Variants in AAGAB observed in about 807,000 individuals in gnomAD.
AAGAB encodes the protein alpha- and gamma-adaptin-binding protein p34.
Under a neutral mutation model 44.1 loss-of-function variants are expected in AAGAB, and 38 were observed. The observed-to-expected ratio is 0.86, with a 90% CI of 0.67 to 1.13. AAGAB has a LOEUF of 1.13. Among genes scored for constraint, AAGAB ranks in the 50% most tolerant of loss-of-function variants. AAGAB has a pLI of 0.00. For synonymous variants in AAGAB, 131 were observed against 131.8 expected (o/e 0.99, Z 0.04); for missense variants, 450 against 373.8 (o/e 1.20, Z -1.68).
rs957918244 is a variant in AAGAB, at chr15:67,242,380, G to A, written c.74-5560C>T. 1.1e-4 allele frequency among the ~76,000 whole-genome samples: 10 copies of A among 90,532 alleles called. 1 individual carries two copies. Among genetic ancestry groups the A allele is most frequent in the Admixed American group, 6.2e-4 (4 of 6,496 alleles). The allele number at this position is 90,532 out of a possible 152,430, so 59.4% of individuals were successfully genotyped here. A position where few individuals can be genotyped will look rare whatever the true frequency, so the allele number is the denominator to read the frequency against. On this transcript the variant is annotated intron_variant, in intron 1 of 9. Coordinates refer to ENST00000261880, the MANE Select transcript of AAGAB (RefSeq NM_024666.5). Reference sequence around the variant, plus strand: ...GGAGCTTGCAGTGAGCCGAGATTGCGCCACTGCAGTCCGCAGTCCGGCCTG... The same window carrying A: ...GGAGCTTGCAGTGAGCCGAGATTGCACCACTGCAGTCCGCAGTCCGGCCTG...
intron 5 of AAGAB, among the ~76,000 whole-genome samples, chr15:67,229,432 TAAA>T (rs756230077): frequency 1.0e-5 from 1 of 99,704 alleles, no homozygotes; most frequent in Non-Finnish European, 2.1e-5. Context: ...GAGTCCGTCT[TAAA>T]AAAAAAAAAA....
At chr15:67,210,244 C>T (rs990084922) in intron 5 of AAGAB, among the ~76,000 whole-genome samples, 5 of 152,130 alleles carry the variant, frequency 3.3e-5, no homozygotes. Context: ...GGGCTGGGAG[C>T]GGTGGCTCAC....
Position 67,236,477 on chromosome 15 carries a change from A to AT in AAGAB, c.291dup (p.Trp98MetfsTer11), listed in dbSNP as rs1964468354. ...AACCATGCTTTTGCCAGTGGAAGCC[A>AT]TGAGGAGACACTATCAAGGCCCGAT... On this transcript the variant is annotated frameshift_variant, in exon 3 of 10. Coordinates refer to ENST00000261880, the MANE Select transcript of AAGAB (RefSeq NM_024666.5). LOFTEE classifies it high-confidence loss of function. The AT allele has an allele frequency of 1.2e-6, 2 of 1,614,050 alleles. No homozygotes were observed. The highest frequency in any genetic ancestry group is 1.7e-6 in the Non-Finnish European group (2 of 1,180,006).
rs1963738361 is a variant in AAGAB at position 67,208,618 on chromosome 15, G to C, written c.659C>G (p.Ser220Cys). 1.4e-5 allele frequency: 23 copies of C among 1,614,060 alleles called. No homozygotes were observed. In the East Asian group the frequency reaches 5.1e-4, roughly 36 times the overall value. Reference sequence around the variant, plus strand: ...GTTAGATGCACCACCCCGATGATCAGAGAGGGATTCAGTACTATCTGCTGC... The same window carrying C: ...GTTAGATGCACCACCCCGATGATCACAGAGGGATTCAGTACTATCTGCTGC... ...LPAADSTESL[S>C]DHRGGASNTT... The change falls in exon 7 of 10, where the codon TCT becomes TGT. Residue 220 changes from serine to cysteine, a missense_variant. By Grantham distance (112) the Ser-to-Cys change is moderately radical (BLOSUM62 -1). Transcript: ENST00000261880.
chr15:67,237,019 G>A (rs1241732266), intron 1 of AAGAB, among the ~76,000 whole-genome samples, 199 bp from the exon 2 acceptor site: 1 of 152,050 alleles, frequency 6.6e-6, no homozygotes, highest in Non-Finnish European at 1.5e-5. Context: ...TATAATTTAA[G>A]TCATTGACAT....
rs547065938 is a variant in AAGAB, at chr15:67,225,493, C to G, written c.535+6321G>C. Among the ~76,000 whole-genome samples, 22 of 152,268 alleles carry G rather than the reference C, an allele frequency of 1.4e-4. No homozygotes were observed. The East Asian group carries it at 2.3e-3, about 16-fold the overall frequency. On this transcript the variant is annotated intron_variant, in intron 5 of 9. Transcript: ENST00000261880. ...TATATTCACAAAGTTGTGCAACCAT[C>G]ATCACCATTTAATTCCAGAACATTT...
chr15:67,242,429 CAAAAAAAAAAAAAAAAAAAAAA>C (rs59817309), intron 1 of AAGAB, among the ~76,000 whole-genome samples: 2 of 58,756 alleles, frequency 3.4e-5, no homozygotes, highest in African/African-American at 1.1e-4. Context: ...GACTCCGTCT[CAAAAAAAAAAAAAAAAAAAAAA>C]AAAAAAAAAA....
chr15:67,221,546 C>T (rs1964064702), intron 5 of AAGAB, among the ~76,000 whole-genome samples: 1 of 152,184 alleles, frequency 6.6e-6, no homozygotes, highest in African/African-American at 2.4e-5. Context: ...TCAAAAGTTC[C>T]TAACAGTTTC....
chr15:67,231,199 C>G (rs1313724136), intron 5 of AAGAB, among the ~76,000 whole-genome samples: 1 of 152,074 alleles, frequency 6.6e-6, no homozygotes, highest in Admixed American at 6.5e-5. Flanking sequence ...ACCACCATGC[C>G]CAGCTAATTT....
upstream of AAGAB, chr15:67,254,752 ACC>A: frequency 7.5e-7 from 1 of 1,331,750 alleles, no homozygotes; most frequent in South Asian, 1.3e-5. Context: ...GGCTGGCCTG[ACC>A]CCGCCCCTAG....
intron 1 of AAGAB, among the ~76,000 whole-genome samples, chr15:67,252,440 T>A (rs145445663): frequency 2.0e-5 from 3 of 152,360 alleles, no homozygotes; most frequent in African/African-American, 7.2e-5. Context: ...AAGAACTGTG[T>A]ATTTAAAAAA....
chr15:67,208,611 A>C lies in AAGAB; in HGVS notation c.666T>G (p.His222Gln). The change falls in exon 7 of 10, where the codon CAT (histidine) becomes CAG (glutamine). Residue 222 changes from histidine (H) to glutamine (Q), a missense_variant. By Grantham distance (24) the His-to-Gln change is conservative. Coordinates refer to ENST00000261880, the MANE Select transcript of AAGAB (RefSeq NM_024666.5). ...CTGTTGTGTTAGATGCACCACCCCG[A>C]TGATCAGAGAGGGATTCAGTACTAT... Reference protein sequence around the residue: ...AADSTESLSDHRGGASNTTDA... With the variant: ...AADSTESLSDQRGGASNTTDA... 1 of 1,614,172 alleles carries C rather than the reference A, an allele frequency of 6.2e-7. No individual in the cohort carries two copies. The highest frequency in any genetic ancestry group is 2.2e-5 in the East Asian group (1 of 44,884).
At chr15:67,239,011 T>A (rs1482120699) in intron 1 of AAGAB, among the ~76,000 whole-genome samples, 1 of 152,182 alleles carries the variant, frequency 6.6e-6, no homozygotes, top group Non-Finnish European at 1.5e-5. Context: ...GGGTAATTTT[T>A]AAAAATAGCA....
intron 6 of AAGAB, among the ~76,000 whole-genome samples, 194 bp from the exon 7 acceptor site, chr15:67,208,852 C>CA (rs974283713): frequency 2.0e-5 from 3 of 152,128 alleles, no homozygotes; most frequent in African/African-American, 7.2e-5. Context: ...TACTTTCCCC[C>CA]AAGGAAGAAC....
At chr15:67,240,145 C>A (rs1481794977) in intron 1 of AAGAB, among the ~76,000 whole-genome samples, 1 of 152,150 alleles carries the variant, frequency 6.6e-6, no homozygotes, top group Non-Finnish European at 1.5e-5. Context: ...AAAATAATAG[C>A]CAGAATAGGG....
At chr15:67,254,898 T>C (rs757738757), upstream of AAGAB, 8 of 1,613,716 alleles carry the variant, frequency 5.0e-6, no homozygotes, top group South Asian at 7.7e-5. Flanking sequence ...GACCTAGCCA[T>C]GGCACAGAAC....
chr15:67,240,848 T>A (rs1050924353), intron 1 of AAGAB, among the ~76,000 whole-genome samples: 2 of 152,192 alleles, frequency 1.3e-5, no homozygotes, highest in Non-Finnish European at 2.9e-5. Flanking sequence ...TTTCTACTGT[T>A]CCCTGCATAT....
intron 4 of AAGAB, chr15:67,232,458 G>GT (rs2140374237): frequency 4.1e-6 from 1 of 246,416 alleles, no homozygotes; most frequent in East Asian, 1.1e-4. Flanking sequence ...GAATGACATG[G>GT]TAACTATCCA....
intron 5 of AAGAB, among the ~76,000 whole-genome samples, chr15:67,225,509 C>T (rs1425769503): frequency 6.6e-6 from 1 of 152,030 alleles, no homozygotes; most frequent in Non-Finnish European, 1.5e-5. Flanking sequence ...CATTTAATTC[C>T]AGAACATTTT....
Sources: allele counts gnomAD v4.1 joint callset (sites outside exome capture counted in the v4.1 genomes callset), GRCh38; gene constraint gnomAD v4.1.1; transcripts MANE v1.5; gene names NCBI Gene and HGNC (gene_info 2026-07-23, HGNC 2026-07-21).